Variants in YES1 observed in about 807,000 individuals in gnomAD.
YES1 encodes tyrosine-protein kinase Yes.
A neutral mutation model predicts 70.4 loss-of-function variants in YES1; 39 were observed. That is an observed-to-expected ratio of 0.55 (90% confidence interval 0.43 to 0.72). The LOEUF (loss-of-function observed/expected upper bound fraction) is 0.72, where lower values mean the gene tolerates loss of function less well. Ranked by LOEUF, YES1 falls within the 30% of genes least tolerant of loss-of-function variation. The pLI, the probability that YES1 is intolerant of heterozygous loss-of-function variation, is 0.00. For synonymous variants in YES1, 198 were observed against 218.6 expected (o/e 0.91, Z 0.83); for missense variants, 495 against 644.8 (o/e 0.77, Z 2.52).
intron 1 of YES1, among the ~76,000 whole-genome samples, chr18:804,607 C>CT: frequency 1.1e-5 from 1 of 88,504 alleles, no homozygotes; most frequent in Non-Finnish European, 2.1e-5. Context: ...GAGACTGAGT[C>CT]TCAAAAAAAA....
chr18:760,183 AG>A (rs1432426381), intron 1 of YES1, among the ~76,000 whole-genome samples: 13 of 152,056 alleles, frequency 8.5e-5, no homozygotes, highest in Admixed American at 7.9e-4. Context: ...TAAAGCATAC[AG>A]GGGGACTGGG....
chr18:800,997 T>A (rs190881206), intron 1 of YES1, among the ~76,000 whole-genome samples: 22 of 151,734 alleles, frequency 1.4e-4, no homozygotes, highest in Non-Finnish European at 3.1e-4. Context: ...AATATAAAAA[T>A]TAGCTGGGTG....
At position 749,960 on chromosome 18, in the gene YES1, G is replaced by C. The variant is rs914713971; in HGVS notation, c.371+1745C>G. Among the ~76,000 whole-genome samples, 18 of 151,986 alleles carry C rather than the reference G, an allele frequency of 1.2e-4. 1 individual carries two copies. Among genetic ancestry groups the C allele is most frequent in the South Asian group, 1.0e-3 (5 of 4,816 alleles). ...ACATGTGGTTTATAACACATAAGCCGTCATTTTTTCAAAATTAATGTGAAA... is the reference window on the plus strand; with the variant it reads ...ACATGTGGTTTATAACACATAAGCCCTCATTTTTTCAAAATTAATGTGAAA... On this transcript the variant is annotated intron_variant, in intron 3 of 11. Coordinates refer to ENST00000314574, the MANE Select transcript of YES1 (RefSeq NM_005433.4).
At chr18:772,911 T>C (rs1334770681) in intron 1 of YES1, among the ~76,000 whole-genome samples, 3 of 152,218 alleles carry the variant, frequency 2.0e-5, no homozygotes, top group African/African-American at 7.2e-5. Flanking sequence ...TGCATTTGCA[T>C]GGCCAAGAGT....
intron 8 of YES1, among the ~76,000 whole-genome samples, chr18:741,197 C>T (rs1002027630): frequency 6.6e-6 from 1 of 152,090 alleles, no homozygotes; most frequent in East Asian, 1.9e-4. Context: ...TGTGCCTGGC[C>T]TGCTTCCAAT....
At chr18:727,509 C>T (rs1414223421) in intron 11 of YES1, among the ~76,000 whole-genome samples, 1 of 151,990 alleles carries the variant, frequency 6.6e-6, no homozygotes, top group African/African-American at 2.4e-5. Flanking sequence ...TCCATCTGTT[C>T]GTTTCTCCTC....
intron 8 of YES1, among the ~76,000 whole-genome samples, chr18:741,065 T>C (rs1272850992): frequency 2.0e-5 from 3 of 151,718 alleles, no homozygotes. Flanking sequence ...GCCCAGCTGT[T>C]TTTTGTATTT....
chr18:777,170 C>T (rs182566804), intron 1 of YES1, among the ~76,000 whole-genome samples: 1 of 152,094 alleles, frequency 6.6e-6, no homozygotes, highest in Non-Finnish European at 1.5e-5. Flanking sequence ...TGAAGTACAA[C>T]ATAGAAGAAC....
intron 1 of YES1, among the ~76,000 whole-genome samples, chr18:778,616 A>G (rs1905502593): frequency 6.6e-6 from 1 of 152,248 alleles, no homozygotes; most frequent in Admixed American, 6.5e-5. Flanking sequence ...AGATGGCTCC[A>G]ATTTACATAC....
intron 1 of YES1, among the ~76,000 whole-genome samples, chr18:791,347 G>C (rs533958470): frequency 1.3e-5 from 2 of 152,016 alleles, no homozygotes; most frequent in African/African-American, 4.8e-5. Flanking sequence ...ATCTTATTAA[G>C]AATAGTAACA....
chr18:788,665 T>A (rs1476368549), intron 1 of YES1, among the ~76,000 whole-genome samples: 1 of 152,138 alleles, frequency 6.6e-6, no homozygotes, highest in Non-Finnish European at 1.5e-5. Flanking sequence ...ACGCCTGTAA[T>A]CCCCGGCACT....
intron 11 of YES1, among the ~76,000 whole-genome samples, chr18:724,870 T>A (rs1023755801): frequency 6.6e-6 from 1 of 152,254 alleles, no homozygotes; most frequent in African/African-American, 2.4e-5. Context: ...TTAATACTAA[T>A]GTCTTCAAAA....
chr18:777,458 TCCATAA>T (rs1905437563), intron 1 of YES1, among the ~76,000 whole-genome samples: 1 of 152,138 alleles, frequency 6.6e-6, no homozygotes, highest in Non-Finnish European at 1.5e-5. Context: ...ACTTATCAAC[TCCATAA>T]GTCATATGAA....
At chr18:767,643 G>A (rs142802663) in intron 1 of YES1, among the ~76,000 whole-genome samples, 22 of 152,172 alleles carry the variant, frequency 1.4e-4, no homozygotes, top group African/African-American at 4.1e-4. Flanking sequence ...GACGATAGTC[G>A]TCATTACTGT....
intron 10 of YES1, among the ~76,000 whole-genome samples, chr18:734,019 C>T (rs2080122487): frequency 6.6e-6 from 1 of 152,190 alleles, no homozygotes; most frequent in African/African-American, 2.4e-5. Flanking sequence ...TGGCTCACGC[C>T]TATAATCCCA....
At chr18:799,212 T>C (rs1336494505) in intron 1 of YES1, among the ~76,000 whole-genome samples, 1 of 152,184 alleles carries the variant, frequency 6.6e-6, no homozygotes, top group South Asian at 2.1e-4. Flanking sequence ...ACTACCATAC[T>C]TTTCATCCCC....
At chr18:755,707 G>A (rs2080397954) in intron 2 of YES1, among the ~76,000 whole-genome samples, 2 of 152,082 alleles carry the variant, frequency 1.3e-5, no homozygotes, top group Non-Finnish European at 2.9e-5. Context: ...CAAGCCTAAG[G>A]ATAAAGCAGA....
intron 3 of YES1, among the ~76,000 whole-genome samples, chr18:749,112 G>T (rs2080312732): frequency 6.6e-6 from 1 of 152,182 alleles, no homozygotes; most frequent in Non-Finnish European, 1.5e-5. Flanking sequence ...AGTGAGCCGA[G>T]ATCATGCCAC....
At chr18:727,029 G>C (rs2080029245) in intron 11 of YES1, among the ~76,000 whole-genome samples, 1 of 152,178 alleles carries the variant, frequency 6.6e-6, no homozygotes, top group Non-Finnish European at 1.5e-5. Context: ...GTCAAAGAAA[G>C]ACAATGAATG....
Sources: allele counts gnomAD v4.1 joint callset (sites outside exome capture counted in the v4.1 genomes callset), GRCh38; gene constraint gnomAD v4.1.1; transcripts MANE v1.5; gene names NCBI Gene and HGNC (gene_info 2026-07-23, HGNC 2026-07-21).